The following TECR variants were observed in gnomAD, a reference collection of about 807,000 sequenced individuals.
The protein encoded by TECR is very-long-chain enoyl-CoA reductase.
A neutral mutation model predicts 50.6 loss-of-function variants in TECR; 19 were observed. The ratio of observed to expected loss-of-function variants is 0.38; its 90% CI spans 0.26 to 0.55. TECR has a LOEUF of 0.55. Among genes scored for constraint, TECR ranks in the 20% least tolerant of loss-of-function variants. The pLI, the probability that TECR is intolerant of heterozygous loss-of-function variation, is 0.79. For synonymous variants in TECR, 168 were observed against 163.5 expected (o/e 1.03, Z -0.21); for missense variants, 313 against 408.3 (o/e 0.77, Z 2.01).
chr19:14,529,019 T>G (rs1482028695), upstream of TECR: 1 of 154,544 alleles, frequency 6.5e-6, no homozygotes, highest in South Asian at 1.8e-4. Flanking sequence ...AGAATGGGGC[T>G]GGGGCTCAAG....
At position 14,565,010 on chromosome 19, in the gene TECR, G is replaced by A; in HGVS notation, c.606+18G>A. 1.9e-6 allele frequency: 3 copies of A among 1,614,014 alleles called. No homozygotes were observed. Among genetic ancestry groups the A allele is most frequent in the Middle Eastern group, 1.6e-4 (1 of 6,062 alleles). On this transcript the variant is annotated intron_variant, in intron 9 of 12. Transcript: ENST00000215567. ...TCTTTGTGGTAAGGAGGCTGGGTGTGGGGACGGGGTCGGGGGAGTCTGGGC... is the reference window on the plus strand; with the variant it reads ...TCTTTGTGGTAAGGAGGCTGGGTGTAGGGACGGGGTCGGGGGAGTCTGGGC...
rs756684441 is a variant in TECR, at chr19:14,565,873, C to T, written c.*2C>T. The T allele has an allele frequency of 5.7e-6, 9 of 1,585,334 alleles. No homozygotes were observed. In the Admixed American group the frequency reaches 1.1e-4, roughly 19 times the overall value. The stretch of plus-strand genomic sequence containing the variant: ...CCCATCATCCCCTTCCTGCTCTGAG[C>T]GCTCACCCCTGCTGAGGCTCAGCCC... On this transcript the variant is annotated 3_prime_UTR_variant, in exon 13 of 13. Transcript: ENST00000215567.
In TECR at chr19:14,555,741, A is replaced by C. The variant is rs79665288; in HGVS notation, c.16-6784A>C. On this transcript the variant is annotated intron_variant, in intron 1 of 12. Coordinates refer to ENST00000215567, the MANE Select transcript of TECR (RefSeq NM_138501.6). ...CAGGTGTGAGTCACCATGCGTGGAC[A>C]CAGCTAATTTTTATAAATACTTTTT... 2.8e-3 allele frequency among the ~76,000 whole-genome samples: 424 copies of C among 152,204 alleles called. 4 individuals carry two copies. Among genetic ancestry groups the C allele is most frequent in the African/African-American group, 9.8e-3 (407 of 41,544 alleles).
chr19:14,557,153 ATTTT>A (rs1309637043), intron 1 of TECR, among the ~76,000 whole-genome samples: 1 of 150,788 alleles, frequency 6.6e-6, no homozygotes, highest in Non-Finnish European at 1.5e-5. Context: ...TTATTTATTT[ATTTT>A]GAGACAGGGT....
rs768023177 is a variant in TECR at position 14,563,626 on chromosome 19, T to C, written c.119-32T>C. The stretch of plus-strand genomic sequence containing the variant: ...GCGGACCGGCTGAGCCCTGCCAGGC[T>C]GTGGGCTGTAACTGCCCTGTTCTCC... On this transcript the variant is annotated intron_variant, in intron 3 of 12. Coordinates refer to ENST00000215567, the MANE Select transcript of TECR (RefSeq NM_138501.6). This position sits in a 1 kb window ranked among gnomAD's most constrained non-coding sequence, Gnocchi z 5.3. 2 of 1,610,544 alleles carry C rather than the reference T, an allele frequency of 1.2e-6. No individual in the cohort carries two copies. The highest frequency in any genetic ancestry group is 1.7e-6 in the Non-Finnish European group (2 of 1,179,746).
intron 2 of TECR, 111 bp downstream of exon 2, chr19:14,562,686 A>G (rs932787974): frequency 6.7e-5 from 81 of 1,208,576 alleles, no homozygotes; most frequent in Non-Finnish European, 8.8e-5. Flanking sequence ...CCCCTGCCCT[A>G]TGGAGGGGTA....
rs1022196233 is a variant in TECR at position 14,537,251 on chromosome 19, A to G, written c.15+7540A>G. 2.3e-4 allele frequency among the ~76,000 whole-genome samples: 4 copies of G among 17,100 alleles called. No individual in the cohort carries two copies. The South Asian group carries it at 5.2e-3, about 22-fold the overall frequency. The allele number at this position is 17,100 out of a possible 152,430, so 11.2% of individuals were successfully genotyped here. A position where few individuals can be genotyped will look rare whatever the true frequency, so the allele number is the denominator to read the frequency against. ...GGCAAGAAGGAAGCGGCGGGCCTGG[A>G]TGGGGGAGGCGGGACCAGGGAGGGG... On this transcript the variant is annotated intron_variant, in intron 1 of 12. Coordinates refer to ENST00000215567, the MANE Select transcript of TECR (RefSeq NM_138501.6).
In TECR at chr19:14,564,317, G is replaced by C. The variant is rs780746433; in HGVS notation, c.489+30G>C. ...GAGCCCGTCCCCGCCTCACCCCTAA[G>C]CCCCGCCTTTCTGCCCCACCCCGCC... On this transcript the variant is annotated intron_variant, in intron 7 of 12. Transcript: ENST00000215567. The C allele has an allele frequency of 1.1e-5, 17 of 1,551,954 alleles. No individual in the cohort carries two copies. In the African/African-American group the frequency reaches 1.6e-4, roughly 14 times the overall value.
chr19:14,551,992 T>C (rs1318859187), intron 1 of TECR, among the ~76,000 whole-genome samples: 1 of 144,758 alleles, frequency 6.9e-6, no homozygotes, highest in Non-Finnish European at 1.5e-5. Context: ...TTTTTTTTTT[T>C]GAGATGGAGT....
intron 1 of TECR, among the ~76,000 whole-genome samples, chr19:14,547,998 C>G (rs1421622332): frequency 6.9e-6 from 1 of 145,436 alleles, no homozygotes; most frequent in Non-Finnish European, 1.5e-5. Flanking sequence ...GAGTCTCGCT[C>G]TGTCACCCAG....
intron 1 of TECR, among the ~76,000 whole-genome samples, chr19:14,536,426 C>T (rs185321507): frequency 5.3e-5 from 8 of 152,068 alleles, no homozygotes; most frequent in Admixed American, 2.6e-4. Flanking sequence ...CCCACCACCA[C>T]GCCCGGCTAA....
chr19:14,534,472 G>A (rs1453874662), intron 1 of TECR, among the ~76,000 whole-genome samples: 1 of 83,662 alleles, frequency 1.2e-5, no homozygotes, highest in Non-Finnish European at 2.2e-5. Flanking sequence ...GTCTCGCTCT[G>A]TCACCCAGGC....
chr19:14,533,976 C>T (rs2072767682), intron 1 of TECR: 2 of 152,102 alleles, frequency 1.3e-5, no homozygotes, highest in Admixed American at 6.6e-5. Context: ...GGAAAAACAG[C>T]TACTACATCT....
At chr19:14,560,080 G>C (rs2073857968) in intron 1 of TECR, among the ~76,000 whole-genome samples, 3 of 152,146 alleles carry the variant, frequency 2.0e-5, no homozygotes, top group Admixed American at 2.0e-4. Context: ...GGCTGGCCTG[G>C]GCACCACTGC....
chr19:14,550,987 G>A (rs1488075021), intron 1 of TECR, among the ~76,000 whole-genome samples: 2 of 150,922 alleles, frequency 1.3e-5, no homozygotes, highest in African/African-American at 2.4e-5. Flanking sequence ...TTTTACTTAT[G>A]AGGACACTCC....
chr19:14,532,847 T>G (rs1295199142), intron 1 of TECR, among the ~76,000 whole-genome samples: 2 of 152,058 alleles, frequency 1.3e-5, no homozygotes, highest in African/African-American at 2.4e-5. Flanking sequence ...AGGTGGCTCA[T>G]GCCTGTAATC....
Position 14,563,062 on chromosome 19 carries a change from C to T in TECR, c.67-144C>T. 3 of 1,024,284 alleles carry T rather than the reference C, an allele frequency of 2.9e-6. No homozygotes were observed. Among genetic ancestry groups the T allele is most frequent in the Non-Finnish European group, 4.4e-6 (3 of 688,760 alleles). 63.4% of individuals were successfully genotyped at this position (1,024,284 alleles called of 1,614,324 possible). A position where few individuals can be genotyped will look rare whatever the true frequency, so the allele number is the denominator to read the frequency against. The stretch of plus-strand genomic sequence containing the variant: ...AGGGCCCTCGGTGGTCCTTCCCTGA[C>T]TGCAGGCAGAGGCCTGGACCCCAGC... On this transcript the variant is annotated intron_variant, in intron 2 of 12. Transcript: ENST00000215567. The surrounding 1 kb of genome is among the most constrained non-coding windows in gnomAD (Gnocchi z 5.3).
intron 1 of TECR, among the ~76,000 whole-genome samples, chr19:14,543,405 A>T (rs866276238): frequency 1.5e-4 from 3 of 19,568 alleles, no homozygotes; most frequent in Non-Finnish European, 2.8e-4. Context: ...ATATATATAT[A>T]TATATATATA....
chr19:14,533,391 G>T (rs1192773949), intron 1 of TECR, among the ~76,000 whole-genome samples: 1 of 152,024 alleles, frequency 6.6e-6, no homozygotes, highest in East Asian at 1.9e-4. Context: ...CTGCACTCCA[G>T]CCTGGGTGAC....
Sources: allele counts gnomAD v4.1 joint callset (sites outside exome capture counted in the v4.1 genomes callset), GRCh38; gene constraint gnomAD v4.1.1; non-coding constraint Gnocchi (gnomAD v3.1); transcripts MANE v1.5; gene names NCBI Gene and HGNC (gene_info 2026-07-23, HGNC 2026-07-21).